ZCCHC4: variants seen among roughly 807,000 people sequenced by gnomAD.
ZCCHC4 encodes the protein zinc finger CCHC-type containing 4, also known as rRNA N(6)-adenosine-methyltransferase ZCCHC4.
Under a neutral mutation model 67.7 loss-of-function variants are expected in ZCCHC4, and 54 were observed. The observed-to-expected ratio is 0.80, with a 90% CI of 0.64 to 1.00. ZCCHC4 has a LOEUF of 1.00. ZCCHC4 is among the 50% of genes least tolerant of loss of function. The pLI, the probability that ZCCHC4 is intolerant of heterozygous loss-of-function variation, is 0.00. For synonymous variants in ZCCHC4, 198 were observed against 213.5 expected (o/e 0.93, Z 0.63); for missense variants, 609 against 617.0 (o/e 0.99, Z 0.14).
intron 3 of ZCCHC4, among the ~76,000 whole-genome samples, chr4:25,330,943 C>T (rs972775456): frequency 1.3e-5 from 2 of 152,162 alleles, no homozygotes; most frequent in African/African-American, 4.8e-5. Flanking sequence ...TAGTCTGGAG[C>T]GTTTTTTCTC....
intron 12 of ZCCHC4, among the ~76,000 whole-genome samples, chr4:25,368,566 A>C (rs570582218): frequency 1.2e-4 from 18 of 152,282 alleles, no homozygotes; most frequent in African/African-American, 4.3e-4. Context: ...CTTAGGAAAC[A>C]GGCCCTTTCA....
chr4:25,362,239 T>A lies in ZCCHC4; in HGVS notation c.1147T>A (p.Cys383Ser), dbSNP rs1267351573. The A allele has an allele frequency of 6.2e-7, 1 of 1,611,314 alleles. No individual in the cohort carries two copies. Among genetic ancestry groups the A allele is most frequent in the Non-Finnish European group, 8.5e-7 (1 of 1,178,510 alleles). ...CCTTTACTCTAGATTTTGCTCTCCG[T>A]GTCAACGGTATGTTTCTCTAGAGAA... Reference protein sequence around the residue: ...TEEGYRFCSPCQRYVSLENQH... With the variant: ...TEEGYRFCSPSQRYVSLENQH... Residue 383 changes from cysteine (C) to serine (S), a missense_variant, in exon 10 of 13, where the codon TGT becomes AGT. Physicochemically the swap from Cys to Ser is moderately radical, Grantham distance 112. Coordinates refer to ENST00000302874, the MANE Select transcript of ZCCHC4 (RefSeq NM_024936.3).
At position 25,364,513 on chromosome 4, in the gene ZCCHC4, T is replaced by G. The variant is rs916801578; in HGVS notation, c.1261+8T>G. On this transcript the variant is annotated splice_region_variant and intron_variant, in intron 11 of 12. Coordinates refer to ENST00000302874, the MANE Select transcript of ZCCHC4 (RefSeq NM_024936.3). The stretch of plus-strand genomic sequence containing the variant: ...AAAAGTGTGTAAAGCCTTGTAAGTA[T>G]TGAGACTTAGTGTTTGAGATCCTAT... The G allele has an allele frequency of 1.3e-6, 2 of 1,560,720 alleles. No individual in the cohort carries two copies. The highest frequency in any genetic ancestry group is 2.8e-5 in the African/African-American group (2 of 71,720).
intron 3 of ZCCHC4, among the ~76,000 whole-genome samples, chr4:25,332,486 T>C (rs1719234358): frequency 6.6e-6 from 1 of 152,144 alleles, no homozygotes; most frequent in African/African-American, 2.4e-5. Context: ...CAGCAGTTTT[T>C]AAACATACTG....
intron 6 of ZCCHC4, among the ~76,000 whole-genome samples, chr4:25,346,531 G>A (rs1420186050): frequency 6.6e-6 from 1 of 152,152 alleles, no homozygotes; most frequent in African/African-American, 2.4e-5. Flanking sequence ...ATGATAGGAG[G>A]ATGAAAACCA....
At chr4:25,339,560 TTATTGGAGAAA>T (rs1719626611) in intron 5 of ZCCHC4, among the ~76,000 whole-genome samples, 1 of 152,246 alleles carries the variant, frequency 6.6e-6, no homozygotes, top group Non-Finnish European at 1.5e-5. Context: ...TTTGTTTATC[TTATTGGAGAAA>T]TATCAATCCT....
rs1280858709 is a variant in ZCCHC4 at position 25,354,680 on chromosome 4, T to C, written c.1011+2991T>C. 5.3e-5 allele frequency among the ~76,000 whole-genome samples: 8 copies of C among 152,226 alleles called. No homozygotes were observed. The South Asian group carries it at 1.7e-3, about 32-fold the overall frequency. ...ACTTCATTAAAATTTTTTTTTTAAA[T>C]AGTGATGGGATCTCTCTGTGTTGCC... On this transcript the variant is annotated intron_variant, in intron 8 of 12. Coordinates refer to ENST00000302874, the MANE Select transcript of ZCCHC4 (RefSeq NM_024936.3).
rs1305769186 is a variant in ZCCHC4, at chr4:25,361,987, T to C, written c.1133+7T>C. The C allele has an allele frequency of 4.3e-6, 7 of 1,610,034 alleles. No individual in the cohort carries two copies. The highest frequency in any genetic ancestry group is 4.5e-5 in the East Asian group (2 of 44,812). On this transcript the variant is annotated splice_region_variant and intron_variant, in intron 9 of 12. Transcript: ENST00000302874. ...CTACTGAAGAAGGGTACAGGTAAGA[T>C]CACAGTGGAACTTTGAAGTACACAA...
intron 3 of ZCCHC4, among the ~76,000 whole-genome samples, chr4:25,327,384 C>A (rs2324673): frequency 7.6e-6 from 1 of 131,184 alleles, no homozygotes; most frequent in Admixed American, 7.5e-5. Context: ...GAATCTCCCT[C>A]CCTCCCTCCC....
chr4:25,351,359 G>A (rs939316627), intron 7 of ZCCHC4, among the ~76,000 whole-genome samples: 1 of 152,090 alleles, frequency 6.6e-6, no homozygotes, highest in African/African-American at 2.4e-5. Context: ...ACATATAAGG[G>A]TTACTTTTAC....
chr4:25,319,994 A>G (rs1718490975), intron 3 of ZCCHC4, among the ~76,000 whole-genome samples: 1 of 152,104 alleles, frequency 6.6e-6, no homozygotes, highest in Non-Finnish European at 1.5e-5. Flanking sequence ...ATTTGTAAGG[A>G]CTTATGGTAG....
At chr4:25,368,491 C>T (rs1721029325) in intron 12 of ZCCHC4, among the ~76,000 whole-genome samples, 1 of 152,166 alleles carries the variant, frequency 6.6e-6, no homozygotes, top group South Asian at 2.1e-4. Flanking sequence ...CCACAAAATG[C>T]TGATAACCCT....
At chr4:25,331,710 C>G (rs897289325) in intron 3 of ZCCHC4, among the ~76,000 whole-genome samples, 1 of 152,130 alleles carries the variant, frequency 6.6e-6, no homozygotes, top group Admixed American at 6.5e-5. Context: ...TCATAGGGCC[C>G]TTTCTTCTAC....
At chr4:25,332,501 T>G (rs1042095431) in intron 3 of ZCCHC4, among the ~76,000 whole-genome samples, 1 of 152,092 alleles carries the variant, frequency 6.6e-6, no homozygotes, top group African/African-American at 2.4e-5. Context: ...ATACTGACCA[T>G]GATTATTTTC....
intron 5 of ZCCHC4, 129 bp from the exon 6 acceptor site, chr4:25,345,419 T>G (rs1284540496): frequency 6.2e-6 from 4 of 649,500 alleles, no homozygotes; most frequent in Non-Finnish European, 1.1e-5. Flanking sequence ...TTTTTGCAAA[T>G]TATTCTTTAT....
At chr4:25,338,633 A>T (rs1719585146) in intron 5 of ZCCHC4, among the ~76,000 whole-genome samples, 2 of 152,164 alleles carry the variant, frequency 1.3e-5, no homozygotes, top group South Asian at 4.1e-4. Context: ...TATTTTTTAT[A>T]TAAGTGGAAT....
At chr4:25,361,735 C>T in intron 8 of ZCCHC4, 124 bp from the exon 9 acceptor site, 11 of 1,023,024 alleles carry the variant, frequency 1.1e-5, no homozygotes, top group Non-Finnish European at 1.5e-5. Context: ...TGGAACCTGA[C>T]ACTTGGCATG....
intron 5 of ZCCHC4, among the ~76,000 whole-genome samples, chr4:25,344,555 A>C (rs1361329736): frequency 1.3e-5 from 2 of 151,648 alleles, no homozygotes; most frequent in Non-Finnish European, 2.9e-5. Context: ...TGGCACATGT[A>C]TACATATGTA....
At chr4:25,314,009 T>C (rs926633722) in intron 1 of ZCCHC4, 37 bp from the exon 2 acceptor site, 5 of 1,250,588 alleles carry the variant, frequency 4.0e-6, no homozygotes, top group Non-Finnish European at 5.5e-6. Flanking sequence ...TGACCATTAC[T>C]TGACACTTTT....
Sources: allele counts gnomAD v4.1 joint callset (sites outside exome capture counted in the v4.1 genomes callset), GRCh38; gene constraint gnomAD v4.1.1; transcripts MANE v1.5; gene names NCBI Gene and HGNC (gene_info 2026-07-23, HGNC 2026-07-21).